Variants in SIL1 observed in about 807,000 individuals in gnomAD.
SIL1 encodes the protein nucleotide exchange factor SIL1.
Under a neutral mutation model 49.1 loss-of-function variants are expected in SIL1, and 40 were observed. The ratio of observed to expected loss-of-function variants is 0.81; its 90% CI spans 0.63 to 1.06. The LOEUF (loss-of-function observed/expected upper bound fraction) is 1.06, where lower values mean the gene tolerates loss of function less well. SIL1 is among the 50% of genes least tolerant of loss of function. The pLI, the probability that SIL1 is intolerant of heterozygous loss-of-function variation, is 0.00. For missense variants in SIL1, 500 were observed against 572.6 expected (o/e 0.87, Z 1.29); for synonymous variants, 253 against 250.8 (o/e 1.01, Z -0.08).
At chr5:139,129,628 C>T (rs186301128) in intron 1 of SIL1, among the ~76,000 whole-genome samples, 102 of 152,332 alleles carry the variant, frequency 6.7e-4, no homozygotes, top group South Asian at 1.2e-3. Context: ...GCCGAGATCA[C>T]GCCACTGCAT....
chr5:139,036,890 G>A (rs1432866256), intron 5 of SIL1, among the ~76,000 whole-genome samples: 2 of 152,002 alleles, frequency 1.3e-5, no homozygotes, highest in Admixed American at 6.6e-5. Context: ...AGAAGAAAAG[G>A]ATAGGCTGCA....
At chr5:139,059,708 ATTG>A (rs1217994791) in intron 3 of SIL1, among the ~76,000 whole-genome samples, 1 of 152,138 alleles carries the variant, frequency 6.6e-6, no homozygotes, top group African/African-American at 2.4e-5. Context: ...TTGCTATATT[ATTG>A]TTGTGTGTAT....
intron 7 of SIL1, among the ~76,000 whole-genome samples, chr5:139,004,336 T>C (rs1292258847): frequency 2.0e-5 from 3 of 152,184 alleles, no homozygotes; most frequent in Non-Finnish European, 4.4e-5. Flanking sequence ...GTGGTTTCAC[T>C]GTTACCAGAA....
intron 7 of SIL1, among the ~76,000 whole-genome samples, chr5:139,018,011 T>C (rs1768437890): frequency 6.6e-6 from 1 of 152,198 alleles, no homozygotes; most frequent in East Asian, 1.9e-4. Flanking sequence ...TGCATATCTT[T>C]TTATGTAAGA....
chr5:139,026,433 C>G (rs1768651218), intron 6 of SIL1, among the ~76,000 whole-genome samples: 1 of 152,082 alleles, frequency 6.6e-6, no homozygotes, highest in Non-Finnish European at 1.5e-5. Flanking sequence ...GAAACCCTAT[C>G]TCTATCAAAA....
chr5:138,989,017 A>G (rs10070021), intron 7 of SIL1, among the ~76,000 whole-genome samples: 66,742 of 152,158 alleles, frequency 0.44, 15,861 homozygotes, highest in African/African-American at 0.64. Flanking sequence ...GAAGAAACTG[A>G]CAACACTGGT....
chr5:138,998,852 CTTTTTTTTTTTTT>C (rs35074969), intron 7 of SIL1, among the ~76,000 whole-genome samples: 2 of 98,806 alleles, frequency 2.0e-5, no homozygotes, highest in Non-Finnish European at 3.9e-5. Flanking sequence ...ATTATCTTTC[CTTTTTTTTTTTTT>C]TTTTTTTTTT....
intron 4 of SIL1, among the ~76,000 whole-genome samples, chr5:139,045,523 C>T (rs994501744): frequency 1.3e-5 from 2 of 152,138 alleles, no homozygotes; most frequent in African/African-American, 4.8e-5. Context: ...CCTCGACATC[C>T]TCCCCTAGTT....
chr5:138,966,509 A>C (rs1404488456), intron 7 of SIL1, among the ~76,000 whole-genome samples: 1 of 151,966 alleles, frequency 6.6e-6, no homozygotes, highest in East Asian at 1.9e-4. Context: ...GGGCGGGTGT[A>C]GGGGGGTGGT....
At chr5:139,169,061 G>C (rs902344785) in intron 1 of SIL1, among the ~76,000 whole-genome samples, 1 of 152,096 alleles carries the variant, frequency 6.6e-6, no homozygotes, top group African/African-American at 2.4e-5. Flanking sequence ...TGGGAGGATT[G>C]CATGAGCCCA....
chr5:139,176,230 G>A (rs1259154730), intron 1 of SIL1, among the ~76,000 whole-genome samples: 4 of 152,092 alleles, frequency 2.6e-5, no homozygotes, highest in Admixed American at 1.3e-4. Context: ...TTCCATCTGA[G>A]GCACCATTAG....
intron 3 of SIL1, among the ~76,000 whole-genome samples, chr5:139,055,141 T>C (rs1769377652): frequency 6.6e-6 from 1 of 152,146 alleles, no homozygotes; most frequent in Admixed American, 6.5e-5. Context: ...AAGCCTACAG[T>C]GTCTGTTTTC....
intron 5 of SIL1, among the ~76,000 whole-genome samples, chr5:139,036,919 C>G (rs1178623610): frequency 6.6e-6 from 1 of 152,078 alleles, no homozygotes; most frequent in Non-Finnish European, 1.5e-5. Context: ...ATTTTTTATT[C>G]ATTACATTGT....
intron 1 of SIL1, among the ~76,000 whole-genome samples, chr5:139,179,621 G>A (rs1751947275): frequency 6.6e-6 from 1 of 152,146 alleles, no homozygotes. Flanking sequence ...GCACCACTTA[G>A]TGCCAGGCAT....
At chr5:139,034,024 T>C (rs1404301982) in intron 5 of SIL1, among the ~76,000 whole-genome samples, 1 of 152,214 alleles carries the variant, frequency 6.6e-6, no homozygotes, top group African/African-American at 2.4e-5. Context: ...CATACACATT[T>C]AGAATTACTG....
At chr5:139,055,769 T>C (rs931738337) in intron 3 of SIL1, among the ~76,000 whole-genome samples, 15 of 145,556 alleles carry the variant, frequency 1.0e-4, no homozygotes, top group African/African-American at 3.5e-4. Context: ...GCAACCTCCC[T>C]GCCTGATTCT....
intron 9 of SIL1, among the ~76,000 whole-genome samples, chr5:138,950,035 C>T (rs1206163695): frequency 1.3e-5 from 2 of 152,150 alleles, no homozygotes; most frequent in African/African-American, 4.8e-5. Flanking sequence ...AGGCAGGCTC[C>T]CGGGGCCGGC....
chr5:139,146,704 T>A (rs551999020), intron 1 of SIL1, among the ~76,000 whole-genome samples: 1 of 152,310 alleles, frequency 6.6e-6, no homozygotes, highest in Non-Finnish European at 1.5e-5. Flanking sequence ...ATCATGAATG[T>A]GTGTTAAATT....
At chr5:139,086,168 G>A (rs1023978086) in intron 3 of SIL1, among the ~76,000 whole-genome samples, 2 of 150,758 alleles carry the variant, frequency 1.3e-5, no homozygotes, top group Non-Finnish European at 3.0e-5. Context: ...AGTTACTCAG[G>A]AGGTTGAGGC....
Sources: gnomAD v4.1 joint callset for allele counts (sites outside exome capture counted in the v4.1 genomes callset) on GRCh38, gnomAD v4.1.1 for gene constraint, MANE v1.5 for transcripts, NCBI Gene and HGNC (gene_info 2026-07-23, HGNC 2026-07-21) for gene names.